Variants in SLC6A4 observed in about 807,000 individuals in gnomAD.
SLC6A4 encodes solute carrier family 6 member 4, also known as sodium-dependent serotonin transporter.
Under a neutral mutation model 73.4 loss-of-function variants are expected in SLC6A4, and 22 were observed. The observed-to-expected ratio is 0.30, with a 90% CI of 0.21 to 0.43. The LOEUF (loss-of-function observed/expected upper bound fraction) is 0.43, where lower values mean the gene tolerates loss of function less well. SLC6A4 is among the 20% of genes least tolerant of loss of function. The probability of loss-of-function intolerance (pLI) is 1.00; values close to 1 mark genes in which losing one functional copy is unlikely to be tolerated. For missense variants in SLC6A4, 593 were observed against 808.5 expected, an observed-to-expected ratio of 0.73 and a Z score of 3.23; for synonymous variants, 270 against 315.5, an observed-to-expected ratio of 0.86 and a Z score of 1.53.
intron 8 of SLC6A4, among the ~76,000 whole-genome samples, chr17:30,214,634 C>CTTTTTTTTTTTTT (rs753290326): frequency 3.0e-5 from 4 of 132,340 alleles, no homozygotes; most frequent in Admixed American, 7.6e-5. Flanking sequence ...TTCTTTCTTT[C>CTTTTTTTTTTTTT]TTTTTTTTTT....
At position 30,196,182 on chromosome 17, in the gene SLC6A4, T is replaced by C. The variant is rs1446547954; in HGVS notation, c.*2274A>G. 1 of 152,098 alleles carries C rather than the reference T, an allele frequency of 6.6e-6. No individual in the cohort carries two copies. The highest frequency in any genetic ancestry group is 1.5e-5 in the Non-Finnish European group (1 of 68,014). The allele number at this position is 152,098 out of a possible 1,614,324, so 9.4% of individuals were successfully genotyped here. Reference sequence around the variant, plus strand: ...GTCCTTAAATAATGTTACAATTCAATTCTATTTTTAGTTTTTATTTTTCTA... The same window carrying C: ...GTCCTTAAATAATGTTACAATTCAACTCTATTTTTAGTTTTTATTTTTCTA... On this transcript the variant is annotated 3_prime_UTR_variant, in exon 15 of 15. Transcript: ENST00000650711.
At chr17:30,218,081 C>A (rs372306118) in intron 5 of SLC6A4, 37 bp downstream of exon 5, 4 of 1,549,800 alleles carry the variant, frequency 2.6e-6, no homozygotes, top group African/African-American at 1.4e-5. Flanking sequence ...GTGTGGCCTG[C>A]CCCTAACAGG....
At chr17:30,206,916 G>C (rs1247414651) in intron 13 of SLC6A4, among the ~76,000 whole-genome samples, 2 of 151,626 alleles carry the variant, frequency 1.3e-5, no homozygotes, top group African/African-American at 4.8e-5. Flanking sequence ...ATGTTGGCCA[G>C]GCTGGTCTTG....
chr17:30,226,269 G>A (rs943745994), intron 1 of SLC6A4, among the ~76,000 whole-genome samples: 15 of 152,234 alleles, frequency 9.9e-5, no homozygotes, highest in Admixed American at 6.5e-5. Flanking sequence ...AGTTCCCAGG[G>A]CATCTCCCAA....
chr17:30,203,981 T>G (rs1906114255), intron 13 of SLC6A4, among the ~76,000 whole-genome samples: 1 of 152,252 alleles, frequency 6.6e-6, no homozygotes, highest in Admixed American at 6.5e-5. Flanking sequence ...AGGATGGCTC[T>G]GCCACTAGGC....
In SLC6A4 at chr17:30,207,474, G is replaced by T. The variant is rs56079340; in HGVS notation, c.1650+258C>A. Among the ~76,000 whole-genome samples the T allele has an allele frequency of 4.1e-3, 631 of 152,152 alleles. 5 individuals are homozygous for T. Among genetic ancestry groups the T allele is most frequent in the African/African-American group, 0.014 (581 of 41,508 alleles). ...GCAATTTCAGCTCACTGCAACCTCCGCCTCCTGGGTTCAAGCCATTCTCCT... is the reference window on the plus strand; with the variant it reads ...GCAATTTCAGCTCACTGCAACCTCCTCCTCCTGGGTTCAAGCCATTCTCCT... On this transcript the variant is annotated intron_variant, in intron 13 of 14. Coordinates refer to ENST00000650711, the MANE Select transcript of SLC6A4 (RefSeq NM_001045.6).
intron 14 of SLC6A4, among the ~76,000 whole-genome samples, chr17:30,200,878 C>T (rs1252706254): frequency 6.6e-6 from 1 of 152,102 alleles, no homozygotes; most frequent in Admixed American, 6.5e-5. Context: ...GCCTCCCAGG[C>T]TCAAGCAATT....
At chr17:30,228,330 A>G (rs1271537893) in intron 1 of SLC6A4, among the ~76,000 whole-genome samples, 2 of 152,228 alleles carry the variant, frequency 1.3e-5, no homozygotes, top group African/African-American at 4.8e-5. Context: ...TGCTTATCTC[A>G]GTGTCTAGCA....
intron 8 of SLC6A4, among the ~76,000 whole-genome samples, chr17:30,214,201 T>C (rs892537876): frequency 1.3e-5 from 2 of 151,974 alleles, no homozygotes; most frequent in African/African-American, 4.8e-5. Context: ...GGCAGGTGGA[T>C]CACCTGAGGT....
chr17:30,217,536 G>T (rs1017517719), intron 5 of SLC6A4, among the ~76,000 whole-genome samples: 2 of 152,200 alleles, frequency 1.3e-5, no homozygotes, highest in Non-Finnish European at 2.9e-5. Flanking sequence ...AGACTTCCTG[G>T]ATTCTCCTTT....
At position 30,209,121 on chromosome 17, in the gene SLC6A4, C is replaced by A. The variant is rs201410046; in HGVS notation, c.1549+22G>T. On this transcript the variant is annotated intron_variant, in intron 12 of 14. Coordinates refer to ENST00000650711, the MANE Select transcript of SLC6A4 (RefSeq NM_001045.6). The stretch of plus-strand genomic sequence containing the variant: ...GGCTGATGGTGTAGAAGGGACCCAG[C>A]TGGCTGAAGGAAGCGTCTTACCATA... 70 of 1,570,900 alleles carry A rather than the reference C, an allele frequency of 4.5e-5. 1 individual carries two copies. The highest frequency in any genetic ancestry group is 3.2e-5 in the Non-Finnish European group (36 of 1,141,124).
intron 8 of SLC6A4, among the ~76,000 whole-genome samples, chr17:30,215,020 C>CTTTCTTTCTTTT (rs1906522270): frequency 8.2e-5 from 2 of 24,468 alleles, no homozygotes; most frequent in Non-Finnish European, 1.1e-4. Flanking sequence ...TTCTTTCTTT[C>CTTTCTTTCTTTT]TTTTTTCTTT....
chr17:30,230,387 A>T (rs2143016541), intron 1 of SLC6A4, among the ~76,000 whole-genome samples: 1 of 152,356 alleles, frequency 6.6e-6, no homozygotes, highest in Non-Finnish European at 1.5e-5. Context: ...TGTGATAAAT[A>T]CAATTTATGC....
chr17:30,213,305 T>TTC (rs1555588340), intron 8 of SLC6A4, among the ~76,000 whole-genome samples: 4 of 147,326 alleles, frequency 2.7e-5, no homozygotes, highest in African/African-American at 1.0e-4. Context: ...TTTTTTTCTT[T>TTC]TTTTTTTTTT....
intron 1 of SLC6A4, among the ~76,000 whole-genome samples, chr17:30,233,731 T>C (rs1254189112): frequency 1.3e-5 from 2 of 152,194 alleles, no homozygotes; most frequent in South Asian, 2.1e-4. Flanking sequence ...AAAGTGACTG[T>C]ATAATTTTTG....
At position 30,222,897 on chromosome 17, in the gene SLC6A4, C is replaced by T. The variant is rs1380974506; in HGVS notation, c.-202G>A. On this transcript the variant is annotated 5_prime_UTR_variant, in exon 2 of 15. Transcript: ENST00000650711. Reference sequence around the variant, plus strand: ...TTCTGCAAGAGAGGGCAAGCAAGGTCGCCTTGCCTCCAGGAGACCTAGGGA... The same window carrying T: ...TTCTGCAAGAGAGGGCAAGCAAGGTTGCCTTGCCTCCAGGAGACCTAGGGA... 1.5e-5 allele frequency: 19 copies of T among 1,243,772 alleles called. No individual in the cohort carries two copies. Among genetic ancestry groups the T allele is most frequent in the Admixed American group, 1.4e-4 (6 of 43,462 alleles). 77.0% of individuals were successfully genotyped at this position (1,243,772 alleles called of 1,614,324 possible). A position where few individuals can be genotyped will look rare whatever the true frequency, so the allele number is the denominator to read the frequency against.
chr17:30,212,199 A>G (rs1384324517), intron 9 of SLC6A4, among the ~76,000 whole-genome samples: 1 of 152,150 alleles, frequency 6.6e-6, no homozygotes, highest in Middle Eastern at 3.2e-3. Flanking sequence ...TTTGCTTACT[A>G]GACTTTGAGC....
chr17:30,228,502 A>G (rs1906992899), intron 1 of SLC6A4, among the ~76,000 whole-genome samples: 1 of 152,218 alleles, frequency 6.6e-6, no homozygotes, highest in African/African-American at 2.4e-5. Flanking sequence ...TCACTGGGTC[A>G]TGCTTGCTGC....
At chr17:30,224,225 G>GTTT (rs796258128) in intron 1 of SLC6A4, among the ~76,000 whole-genome samples, 1 of 140,712 alleles carries the variant, frequency 7.1e-6, no homozygotes, top group African/African-American at 2.6e-5. Context: ...CCACAGTTTT[G>GTTT]TTTTTTTTTT....
Sources: allele counts gnomAD v4.1 joint callset (sites outside exome capture counted in the v4.1 genomes callset), GRCh38; gene constraint gnomAD v4.1.1; transcripts MANE v1.5; gene names NCBI Gene and HGNC (gene_info 2026-07-23, HGNC 2026-07-21).